The following FAM171A1 variants were observed in gnomAD, a reference collection of about 807,000 sequenced individuals.
The protein encoded by FAM171A1 is family with sequence similarity 171 member A1, also known as protein FAM171A1.
Under a neutral mutation model 74.9 loss-of-function variants are expected in FAM171A1, and 23 were observed. The ratio of observed to expected loss-of-function variants is 0.31; its 90% CI spans 0.22 to 0.44. The LOEUF is 0.44. FAM171A1 is among the 20% of genes least tolerant of loss of function. The pLI is 1.00. For synonymous variants in FAM171A1, 527 were observed against 505.7 expected (o/e 1.04, Z -0.57); for missense variants, 1,162 against 1,159.2 (o/e 1.00, Z -0.03).
chr10:15,319,510 G>C (rs185780917), intron 1 of FAM171A1, among the ~76,000 whole-genome samples: 267 of 152,296 alleles, frequency 1.8e-3, no homozygotes, highest in African/African-American at 6.2e-3. Flanking sequence ...TTGGCTCACT[G>C]CAACCTCCAC....
At chr10:15,263,551 G>A (rs552059410) in intron 3 of FAM171A1, among the ~76,000 whole-genome samples, 3 of 152,138 alleles carry the variant, frequency 2.0e-5, no homozygotes, top group Non-Finnish European at 2.9e-5. Flanking sequence ...TCTACGTGGG[G>A]GAATATCCCT....
chr10:15,310,858 G>A (rs1835352174), intron 1 of FAM171A1, among the ~76,000 whole-genome samples: 2 of 151,982 alleles, frequency 1.3e-5, no homozygotes, highest in Non-Finnish European at 2.9e-5. Context: ...TTGGGTTTAA[G>A]CCTGAAGCCT....
At chr10:15,318,335 G>A (rs1176590480) in intron 1 of FAM171A1, among the ~76,000 whole-genome samples, 1 of 152,200 alleles carries the variant, frequency 6.6e-6, no homozygotes, top group Non-Finnish European at 1.5e-5. Context: ...GTTCTGCTTG[G>A]TCCTTCCCGG....
intron 1 of FAM171A1, among the ~76,000 whole-genome samples, chr10:15,287,144 T>G (rs1835045796): frequency 6.9e-6 from 1 of 144,742 alleles, no homozygotes; most frequent in Non-Finnish European, 1.5e-5. Context: ...CAGGCTAGAG[T>G]GCAGTGGTGC....
intron 3 of FAM171A1, among the ~76,000 whole-genome samples, chr10:15,269,651 G>T (rs1345624563): frequency 6.6e-6 from 1 of 152,140 alleles, no homozygotes; most frequent in Non-Finnish European, 1.5e-5. Context: ...CTGCTTATTA[G>T]TCTTTAGGAG....
At chr10:15,229,740 C>A (rs867861475) in intron 5 of FAM171A1, among the ~76,000 whole-genome samples, 29 of 48,796 alleles carry the variant, frequency 5.9e-4, no homozygotes, top group South Asian at 1.4e-3. Context: ...CACCATCACC[C>A]CCATCACCAT....
chr10:15,301,618 C>T (rs1359970652), intron 1 of FAM171A1, among the ~76,000 whole-genome samples: 1 of 152,170 alleles, frequency 6.6e-6, no homozygotes, highest in Non-Finnish European at 1.5e-5. Context: ...CCCTGAAGCT[C>T]AGGGTTTCTC....
Position 15,216,010 on chromosome 10 carries a change from A to C in FAM171A1, c.972T>G (p.Leu324=). The part of the protein sequence containing the change: ...AFILLVLLCL[L]LYYCRRKCLK... ...TAACACTTTACCTGCAATAATATAA[A>C]AGGAGACACAGCAAAACCAAAAGTA... is the stretch of plus-strand genomic sequence containing the variant. Residue 324 remains leucine, a synonymous_variant, in exon 7 of 8, where the codon CTT becomes CTG. Transcript: ENST00000378116. The C allele has an allele frequency of 1.2e-6, 2 of 1,603,210 alleles. No individual in the cohort carries two copies. Among genetic ancestry groups the C allele is most frequent in the Non-Finnish European group, 1.7e-6 (2 of 1,176,946 alleles).
chr10:15,282,070 TG>T (rs1486609409), intron 2 of FAM171A1, among the ~76,000 whole-genome samples: 1 of 152,084 alleles, frequency 6.6e-6, no homozygotes, highest in African/African-American at 2.4e-5. Flanking sequence ...ATTCTGTTGG[TG>T]ATTTTGCTAT....
intron 1 of FAM171A1, among the ~76,000 whole-genome samples, chr10:15,355,947 C>G (rs12253152): frequency 0.12 from 18,822 of 151,886 alleles, 1,227 homozygotes; most frequent in Middle Eastern, 0.16. Flanking sequence ...CCACACCATA[C>G]CTTATCTGGT....
At chr10:15,312,309 C>CT (rs1835368248) in intron 1 of FAM171A1, among the ~76,000 whole-genome samples, 1 of 93,832 alleles carries the variant, frequency 1.1e-5, no homozygotes, top group Admixed American at 1.2e-4. Context: ...AACTGTCACT[C>CT]TAAGTCTAAA....
intron 1 of FAM171A1, among the ~76,000 whole-genome samples, chr10:15,287,193 G>A (rs1238618005): frequency 6.9e-6 from 1 of 145,344 alleles, no homozygotes; most frequent in Non-Finnish European, 1.5e-5. Context: ...CCGGGTTCAC[G>A]CCATTCTCCT....
intron 1 of FAM171A1, among the ~76,000 whole-genome samples, chr10:15,299,795 G>A (rs1363567056): frequency 6.6e-6 from 1 of 152,048 alleles, no homozygotes; most frequent in Non-Finnish European, 1.5e-5. Context: ...TGGCTAACAC[G>A]ATGAAACCCT....
intron 1 of FAM171A1, among the ~76,000 whole-genome samples, chr10:15,316,302 T>C (rs2131842875): frequency 6.6e-6 from 1 of 152,348 alleles, no homozygotes; most frequent in South Asian, 2.1e-4. Flanking sequence ...GCCTCTGGAA[T>C]GCTTGAGAAG....
At chr10:15,216,252 A>T in intron 6 of FAM171A1, 142 bp from the exon 7 acceptor site, 1 of 518,792 alleles carries the variant, frequency 1.9e-6, no homozygotes, top group East Asian at 3.2e-5. Flanking sequence ...CCCTTGGATC[A>T]TGCACTTGGG....
chr10:15,299,400 C>T (rs996119939), intron 1 of FAM171A1, among the ~76,000 whole-genome samples: 9 of 152,172 alleles, frequency 5.9e-5, no homozygotes, highest in South Asian at 4.2e-4. Context: ...CCAAGGCAAC[C>T]TAAACTGGTG....
Position 15,307,587 on chromosome 10 carries a change from A to G in FAM171A1, c.98-23482T>C, listed in dbSNP as rs956973601. Among the ~76,000 whole-genome samples, 6 of 140,508 alleles carry G rather than the reference A, an allele frequency of 4.3e-5. No individual in the cohort carries two copies. In the South Asian group the frequency reaches 1.5e-3, roughly 34 times the overall value. 92.2% of individuals were successfully genotyped at this position (140,508 alleles called of 152,430 possible). A position where few individuals can be genotyped will look rare whatever the true frequency, so the allele number is the denominator to read the frequency against. On this transcript the variant is annotated intron_variant, in intron 1 of 7. Coordinates refer to ENST00000378116, the MANE Select transcript of FAM171A1 (RefSeq NM_001010924.2). ...CTTGTATTCGGGAGGCAGAGGTTGC[A>G]GTGAGCCGAGATTGCACCACTGCAC...
At chr10:15,328,716 C>G (rs564559150) in intron 1 of FAM171A1, among the ~76,000 whole-genome samples, 1 of 152,250 alleles carries the variant, frequency 6.6e-6, no homozygotes, top group Non-Finnish European at 1.5e-5. Flanking sequence ...GTCCAATTGT[C>G]TAGCCTTGGG....
intron 1 of FAM171A1, among the ~76,000 whole-genome samples, chr10:15,350,604 G>A (rs1357272591): frequency 2.0e-5 from 3 of 150,218 alleles, no homozygotes; most frequent in Non-Finnish European, 4.4e-5. Flanking sequence ...GCTTCCCAAA[G>A]TGCTGGGATT....
Sources: allele counts gnomAD v4.1 joint callset (sites outside exome capture counted in the v4.1 genomes callset), GRCh38; gene constraint gnomAD v4.1.1; transcripts MANE v1.5; gene names NCBI Gene and HGNC (gene_info 2026-07-23, HGNC 2026-07-21).